Variants in BAIAP2L2 observed in about 807,000 individuals in gnomAD.
BAIAP2L2 encodes BAR/IMD domain-containing adapter protein 2-like 2.
In BAIAP2L2, 65 loss-of-function variants were observed where a neutral mutation model predicts 60.4. The observed-to-expected ratio is 1.08, with a 90% CI of 0.88 to 1.32. The LOEUF (loss-of-function observed/expected upper bound fraction) is 1.32, where lower values mean the gene tolerates loss of function less well. BAIAP2L2 is among the 40% of genes most tolerant of loss of function. The pLI is 0.00. For missense variants in BAIAP2L2, 836 were observed against 741.2 expected (o/e 1.13, Z -1.48); for synonymous variants, 344 against 301.7 (o/e 1.14, Z -1.45).
At chr22:38,097,723 G>A (rs1378702582) in intron 6 of BAIAP2L2, among the ~76,000 whole-genome samples, 1 of 152,100 alleles carries the variant, frequency 6.6e-6, no homozygotes, top group Non-Finnish European at 1.5e-5. Context: ...GAGGAGGATG[G>A]GCGGCTGGTG....
intron 4 of BAIAP2L2, among the ~76,000 whole-genome samples, chr22:38,099,875 C>T (rs1163300770): frequency 1.3e-5 from 2 of 152,176 alleles, no homozygotes; most frequent in African/African-American, 2.4e-5. Context: ...GCTAGGGGAT[C>T]GCCCAGAAAA....
intron 4 of BAIAP2L2, among the ~76,000 whole-genome samples, chr22:38,101,957 A>G (rs142375266): frequency 6.0e-4 from 92 of 152,254 alleles, no homozygotes; most frequent in Non-Finnish European, 1.0e-3. Context: ...TATCTCTACA[A>G]CCCTCCAAAC....
At chr22:38,109,953 G>A (rs951387621) in intron 1 of BAIAP2L2, among the ~76,000 whole-genome samples, 10 of 149,532 alleles carry the variant, frequency 6.7e-5, no homozygotes, top group South Asian at 2.1e-4. Context: ...CACAGGAGGC[G>A]CTCAATAAAT....
intron 7 of BAIAP2L2, chr22:38,091,535 A>G (rs1191132518): frequency 6.6e-6 from 1 of 152,218 alleles, no homozygotes; most frequent in African/African-American, 2.4e-5. Flanking sequence ...CACAAAAATT[A>G]AAATAAATGG....
intron 4 of BAIAP2L2, among the ~76,000 whole-genome samples, chr22:38,105,971 G>T (rs1400098782): frequency 6.6e-6 from 1 of 152,172 alleles, no homozygotes; most frequent in Non-Finnish European, 1.5e-5. Flanking sequence ...AGATGCCACT[G>T]CCTGGAGAGG....
intron 4 of BAIAP2L2, among the ~76,000 whole-genome samples, chr22:38,107,368 G>C (rs150600349): frequency 6.6e-6 from 1 of 152,116 alleles, no homozygotes; most frequent in Non-Finnish European, 1.5e-5. Context: ...CCACTCTTCC[G>C]GGGGGCTGGG....
intron 4 of BAIAP2L2, among the ~76,000 whole-genome samples, chr22:38,107,594 G>T (rs2086689965): frequency 6.6e-6 from 1 of 152,126 alleles, no homozygotes; most frequent in Admixed American, 6.5e-5. Context: ...ATTCACTCTG[G>T]CATCTCAGGC....
intron 4 of BAIAP2L2, among the ~76,000 whole-genome samples, chr22:38,100,808 G>GC (rs2086551039): frequency 6.6e-6 from 1 of 152,158 alleles, no homozygotes; most frequent in South Asian, 2.1e-4. Flanking sequence ...TTCATACAAT[G>GC]CAACAACATG....
chr22:38,097,374 C>G (rs1346156402), intron 6 of BAIAP2L2, among the ~76,000 whole-genome samples, 196 bp from the exon 7 acceptor site: 1 of 152,194 alleles, frequency 6.6e-6, no homozygotes, highest in Non-Finnish European at 1.5e-5. Flanking sequence ...CTGGGCCCTG[C>G]GTCTCCCTCT....
At chr22:38,110,150 G>GAGAGA (rs2086807545) in intron 1 of BAIAP2L2, among the ~76,000 whole-genome samples, 1 of 30,482 alleles carries the variant, frequency 3.3e-5, no homozygotes, top group African/African-American at 2.7e-4. Flanking sequence ...AGAGAGAGAG[G>GAGAGA]GAGAGACAGA....
chr22:38,103,856 C>T (rs2086611762), intron 4 of BAIAP2L2, among the ~76,000 whole-genome samples: 1 of 127,354 alleles, frequency 7.9e-6, no homozygotes, highest in African/African-American at 2.7e-5. Flanking sequence ...GGGTGAGACT[C>T]CATGTCAAAA....
chr22:38,092,871 A>C (rs1422679349), intron 7 of BAIAP2L2, among the ~76,000 whole-genome samples: 1 of 151,906 alleles, frequency 6.6e-6, no homozygotes, highest in Non-Finnish European at 1.5e-5. Flanking sequence ...CCTTGTTTAA[A>C]AGATTGCAGT....
At chr22:38,098,023 C>A in intron 6 of BAIAP2L2, 40 bp downstream of exon 6, 1 of 860,290 alleles carries the variant, frequency 1.2e-6, no homozygotes, top group South Asian at 1.3e-5. Flanking sequence ...GTCTGCCCAC[C>A]CGCCCTTCCT....
Position 38,085,723 on chromosome 22 carries a change from A to G in BAIAP2L2, c.1477T>C (p.Ser493Pro), listed in dbSNP as rs2086043325. ...TCCTGTGGTGGGTACTGCTCTGAGG[A>G]CATCAGTTTCTGCAGTGGGGGTGGG... ...AVATDVKKLMSSEQYPPQELF... is the reference protein window; with the variant it reads ...AVATDVKKLMPSEQYPPQELF... The change falls in exon 13 of 14, where the codon TCC (serine) becomes CCC (proline). Residue 493 changes from serine (S) to proline (P), a missense_variant. Ser to Pro is a moderately conservative substitution (Grantham distance 74). Transcript: ENST00000381669. 1 of 1,600,088 alleles carries G rather than the reference A, an allele frequency of 6.2e-7. No homozygotes were observed. Among genetic ancestry groups the G allele is most frequent in the African/African-American group, 1.3e-5 (1 of 74,164 alleles).
chr22:38,095,533 T>C (rs1055545200), intron 7 of BAIAP2L2, among the ~76,000 whole-genome samples: 3 of 152,048 alleles, frequency 2.0e-5, no homozygotes, highest in African/African-American at 7.2e-5. Context: ...CCCAGCTAAT[T>C]TTTGTATTTT....
chr22:38,088,613 G>A, intron 10 of BAIAP2L2, 135 bp downstream of exon 10: 1 of 844,834 alleles, frequency 1.2e-6, no homozygotes, highest in Non-Finnish European at 1.8e-6. Flanking sequence ...AGGGTGCGGG[G>A]GTCGGGAGGA....
rs1569234464 is a variant in BAIAP2L2, at chr22:38,110,133, GAGAGAGAGAGAGAGAGGGAGAGACAGA to G, written c.51+315_51+341del. Reference sequence around the variant, plus strand: ...GGAGAGAGAGAGGGAGAGAGAGAGAGAGAGAGAGAGAGAGAGGGAGAGACAGAGAGAGAGAGGGAGGGTCTTTCTTTA... The same window carrying G: ...GGAGAGAGAGAGGGAGAGAGAGAGAGGAGAGAGAGGGAGGGTCTTTCTTTA... On this transcript the variant is annotated intron_variant, in intron 1 of 13. Coordinates refer to ENST00000381669, the MANE Select transcript of BAIAP2L2 (RefSeq NM_025045.6). 6.8e-4 allele frequency among the ~76,000 whole-genome samples: 45 copies of G among 66,166 alleles called. 3 individuals carry two copies. The highest frequency in any genetic ancestry group is 5.1e-3 in the African/African-American group (41 of 8,058). 43.4% of individuals were successfully genotyped at this position (66,166 alleles called of 152,430 possible).
Position 38,110,621 on chromosome 22 carries a change from C to T in BAIAP2L2, c.-96G>A. The T allele has an allele frequency of 9.8e-7, 1 of 1,021,348 alleles. No homozygotes were observed. The highest frequency in any genetic ancestry group is 1.4e-6 in the Non-Finnish European group (1 of 706,860). The allele number at this position is 1,021,348 out of a possible 1,614,324, so 63.3% of individuals were successfully genotyped here. A position where few individuals can be genotyped will look rare whatever the true frequency, so the allele number is the denominator to read the frequency against. Reference sequence around the variant, plus strand: ...GGTAGTCCCTCAGGTGCCCACGACTCAGCTGGCAGCGAGGAAGCCTCGGAG... The same window carrying T: ...GGTAGTCCCTCAGGTGCCCACGACTTAGCTGGCAGCGAGGAAGCCTCGGAG... On this transcript the variant is annotated 5_prime_UTR_variant, in exon 1 of 14. Transcript: ENST00000381669.
intron 7 of BAIAP2L2, among the ~76,000 whole-genome samples, chr22:38,095,724 C>CTGAA (rs1345467375): frequency 6.6e-6 from 1 of 152,012 alleles, no homozygotes; most frequent in African/African-American, 2.4e-5. Flanking sequence ...GAGCGATGGA[C>CTGAA]TGAACAGTGT....
Sources: allele counts gnomAD v4.1 joint callset (sites outside exome capture counted in the v4.1 genomes callset), GRCh38; gene constraint gnomAD v4.1.1; transcripts MANE v1.5; gene names NCBI Gene and HGNC (gene_info 2026-07-23, HGNC 2026-07-21).